The following IL1RAPL1 variants were observed in gnomAD, a reference collection of about 807,000 sequenced individuals.
The protein encoded by IL1RAPL1 is interleukin 1 receptor accessory protein like 1, also known as interleukin-1 receptor accessory protein-like 1.
In IL1RAPL1, 3 loss-of-function variants were observed where a neutral mutation model predicts 48.4. The observed-to-expected ratio is 0.06, with a 90% confidence interval of 0.03 to 0.16. IL1RAPL1 has a LOEUF of 0.16. Among genes scored for constraint, IL1RAPL1 ranks in the 10% least tolerant of loss-of-function variants. IL1RAPL1 has a pLI of 1.00. For synonymous variants in IL1RAPL1, 185 were observed against 187.7 expected (o/e 0.99, Z 0.12); for missense variants, 349 against 530.6 (o/e 0.66, Z 3.36).
intron 1 of IL1RAPL1, among the ~76,000 whole-genome samples, chrX:28,658,340 C>G (rs1209179529): frequency 8.9e-6 from 1 of 111,849 alleles, no homozygotes; most frequent in Non-Finnish European, 1.9e-5. Flanking sequence ...GCCTCAGCCT[C>G]CTGAGTAGCT....
At chrX:29,525,381 A>G (rs1935542708) in intron 5 of IL1RAPL1, among the ~76,000 whole-genome samples, 1 of 112,298 alleles carries the variant, frequency 8.9e-6, no homozygotes, top group Non-Finnish European at 1.9e-5. Context: ...TTCAGTATTT[A>G]CAAATGGCAT....
chrX:29,312,759 A>G (rs1009408007), intron 3 of IL1RAPL1, among the ~76,000 whole-genome samples: 1 of 111,517 alleles, frequency 9.0e-6, no homozygotes, highest in Non-Finnish European at 1.9e-5. Context: ...CTGTACTCCC[A>G]TAATTCCCAT....
chrX:29,931,614 CAATTA>C (rs1434418445), intron 8 of IL1RAPL1, among the ~76,000 whole-genome samples: 1 of 112,250 alleles, frequency 8.9e-6, no homozygotes, highest in Non-Finnish European at 1.9e-5. Context: ...GTAGTTCCAT[CAATTA>C]AATATACTAT....
intron 1 of IL1RAPL1, among the ~76,000 whole-genome samples, chrX:28,773,247 G>C (rs1020414075): frequency 2.7e-5 from 3 of 110,646 alleles, no homozygotes; most frequent in Non-Finnish European, 5.7e-5. Context: ...CTAATTTCTT[G>C]TTTGTTTTTT....
intron 1 of IL1RAPL1, among the ~76,000 whole-genome samples, chrX:28,727,918 T>G (rs1352061274): frequency 2.9e-5 from 3 of 104,782 alleles, no homozygotes; most frequent in Non-Finnish European, 3.9e-5. Flanking sequence ...TGGGGACTGT[T>G]GTGGGGTGGG....
At chrX:29,325,953 T>A (rs1932839761) in intron 3 of IL1RAPL1, among the ~76,000 whole-genome samples, 1 of 111,330 alleles carries the variant, frequency 9.0e-6, no homozygotes, top group South Asian at 3.7e-4. Flanking sequence ...GAGGACTCAT[T>A]CATTATTCTG....
intron 5 of IL1RAPL1, among the ~76,000 whole-genome samples, chrX:29,534,947 C>T (rs1243673358): frequency 5.2e-4 from 55 of 106,395 alleles, no homozygotes; most frequent in Admixed American, 2.0e-3. Context: ...CCAGCCTGGG[C>T]GACGAGGGAG....
chrX:28,829,056 ACTT>A (rs1253568779), intron 2 of IL1RAPL1, among the ~76,000 whole-genome samples: 2 of 111,838 alleles, frequency 1.8e-5, no homozygotes, highest in Non-Finnish European at 3.8e-5. Context: ...CAACTTTTGC[ACTT>A]CTTTTTTAAA....
intron 5 of IL1RAPL1, among the ~76,000 whole-genome samples, chrX:29,583,754 T>C (rs768677694): frequency 9.7e-6 from 1 of 102,934 alleles, no homozygotes; most frequent in Non-Finnish European, 1.9e-5. Context: ...AGAGCCCGCA[T>C]CGCCAAGTCA....
intron 2 of IL1RAPL1, among the ~76,000 whole-genome samples, chrX:29,106,851 C>G (rs1335827590): frequency 9.0e-6 from 1 of 110,637 alleles, no homozygotes; most frequent in Non-Finnish European, 1.9e-5. Flanking sequence ...CTTGCAATAT[C>G]TTTTCTTTGA....
intron 2 of IL1RAPL1, among the ~76,000 whole-genome samples, chrX:29,155,334 A>G (rs1355208362): frequency 8.9e-6 from 1 of 112,012 alleles, no homozygotes; most frequent in African/African-American, 3.2e-5. Flanking sequence ...TATCTTTTTC[A>G]TAAGAGGAAC....
chrX:29,591,880 A>G (rs912647012), intron 5 of IL1RAPL1, among the ~76,000 whole-genome samples: 3 of 112,234 alleles, frequency 2.7e-5, no homozygotes, highest in Non-Finnish European at 5.6e-5. Context: ...CCAGGATCAC[A>G]TGGCCAGAAA....
At chrX:28,815,934 T>C (rs1936865385) in intron 2 of IL1RAPL1, among the ~76,000 whole-genome samples, 1 of 92,408 alleles carries the variant, frequency 1.1e-5, no homozygotes, top group African/African-American at 3.8e-5. Flanking sequence ...ATTGAATCCA[T>C]ATTTTGGCTA....
At chrX:28,666,144 C>T (rs1316418271) in intron 1 of IL1RAPL1, among the ~76,000 whole-genome samples, 1 of 111,596 alleles carries the variant, frequency 9.0e-6, no homozygotes, top group Admixed American at 9.5e-5. Flanking sequence ...GCTGTGGTAC[C>T]CTCAGAAGTC....
At chrX:29,628,519 T>C (rs1201087159) in intron 5 of IL1RAPL1, among the ~76,000 whole-genome samples, 1 of 111,686 alleles carries the variant, frequency 9.0e-6, no homozygotes, top group East Asian at 2.8e-4. Context: ...AGGTTAAGAA[T>C]TCCCCAGTCA....
intron 2 of IL1RAPL1, among the ~76,000 whole-genome samples, chrX:28,800,790 A>G (rs1601909217): frequency 9.0e-6 from 1 of 111,257 alleles, no homozygotes; most frequent in African/African-American, 3.3e-5. Flanking sequence ...GTCAGGTTTT[A>G]AAAAGTATAT....
intron 2 of IL1RAPL1, among the ~76,000 whole-genome samples, chrX:28,854,029 T>C (rs1291639983): frequency 8.9e-6 from 1 of 111,994 alleles, no homozygotes; most frequent in Non-Finnish European, 1.9e-5. Flanking sequence ...TCCAAATATT[T>C]TGAAATAAGT....
At chrX:29,923,275 A>T (rs1269248599) in intron 8 of IL1RAPL1, among the ~76,000 whole-genome samples, 1 of 112,476 alleles carries the variant, frequency 8.9e-6, no homozygotes, top group Non-Finnish European at 1.9e-5. Context: ...AAGAAATTTG[A>T]CCATAGAAAA....
intron 3 of IL1RAPL1, among the ~76,000 whole-genome samples, chrX:29,286,553 G>T (rs1200104691): frequency 9.0e-6 from 1 of 110,872 alleles, no homozygotes; most frequent in Non-Finnish European, 1.9e-5. Context: ...GCCTGGTGTG[G>T]TGGTGTGCAC....
Sources: allele counts gnomAD v4.1 joint callset (sites outside exome capture counted in the v4.1 genomes callset), GRCh38; gene constraint gnomAD v4.1.1; transcripts MANE v1.5; gene names NCBI Gene and HGNC (gene_info 2026-07-23, HGNC 2026-07-21).